Variants in SNTB2 observed in about 807,000 individuals in gnomAD.
The protein encoded by SNTB2 is syntrophin beta 2.
In SNTB2, 34 loss-of-function variants were observed where a neutral mutation model predicts 46.2. The observed-to-expected ratio is 0.74, with a 90% CI of 0.56 to 0.98. SNTB2 has a LOEUF of 0.98. Among genes scored for constraint, SNTB2 ranks in the 50% least tolerant of loss-of-function variants. SNTB2 has a pLI of 0.00. For missense variants in SNTB2, 603 were observed against 731.4 expected (o/e 0.82, Z 2.02); for synonymous variants, 290 against 312.6 (o/e 0.93, Z 0.76).
chr16:69,235,139 G>A (rs1016362312), intron 1 of SNTB2, among the ~76,000 whole-genome samples: 2 of 151,906 alleles, frequency 1.3e-5, no homozygotes, highest in Non-Finnish European at 2.9e-5. Flanking sequence ...AGCCTCCTGA[G>A]TAGCTGGGAT....
At position 69,290,700 on chromosome 16, in the gene SNTB2, G is replaced by A. The variant is rs917142269; in HGVS notation, c.1345+6456G>A. 1.4e-4 allele frequency among the ~76,000 whole-genome samples: 21 copies of A among 152,286 alleles called. No homozygotes were observed. The East Asian group carries it at 1.5e-3, about 11-fold the overall frequency. Reference sequence around the variant, plus strand: ...CAAGTAGGAAGGACAGAAACCAAAAGAATAATAGGTATGTATCAGGATTGT... The same window carrying A: ...CAAGTAGGAAGGACAGAAACCAAAAAAATAATAGGTATGTATCAGGATTGT... On this transcript the variant is annotated intron_variant, in intron 5 of 6. Coordinates refer to ENST00000336278, the MANE Select transcript of SNTB2 (RefSeq NM_006750.4).
chr16:69,228,984 G>A (rs991007308), intron 1 of SNTB2, among the ~76,000 whole-genome samples: 4 of 152,092 alleles, frequency 2.6e-5, no homozygotes, highest in African/African-American at 9.7e-5. Context: ...AATATCCAGA[G>A]AGCATCAATC....
At chr16:69,258,016 TTAAAG>T (rs1398288113) in intron 2 of SNTB2, among the ~76,000 whole-genome samples, 3 of 152,220 alleles carry the variant, frequency 2.0e-5, no homozygotes, top group Admixed American at 6.5e-5. Context: ...ATATGACAAT[TTAAAG>T]TATTTGGAGT....
At chr16:69,206,360 A>G (rs1386301818) in intron 1 of SNTB2, among the ~76,000 whole-genome samples, 1 of 152,028 alleles carries the variant, frequency 6.6e-6, no homozygotes, top group Non-Finnish European at 1.5e-5. Context: ...CAGTAGATAT[A>G]CTATTTGATC....
intron 4 of SNTB2, among the ~76,000 whole-genome samples, chr16:69,282,842 T>C (rs948032847): frequency 6.6e-5 from 10 of 152,264 alleles, no homozygotes; most frequent in African/African-American, 2.4e-4. Context: ...TTTCATTTTA[T>C]GGTAACTGAC....
chr16:69,239,361 T>C (rs1247180709), intron 1 of SNTB2, among the ~76,000 whole-genome samples: 20 of 152,260 alleles, frequency 1.3e-4, no homozygotes. Flanking sequence ...TACAATTGAA[T>C]TTTTTCCCCT....
At chr16:69,187,773 G>GGGGGGGGGGGGGGGC in intron 1 of SNTB2, 27 bp downstream of exon 1, 2 of 331,856 alleles carry the variant, frequency 6.0e-6, no homozygotes, top group Non-Finnish European at 1.1e-5. Flanking sequence ...GGGAGGGTGG[G>GGGGGGGGGGGGGGGC]CAGGCCGCGG....
In SNTB2 at chr16:69,261,345, A is replaced by G. The variant is rs537156108; in HGVS notation, c.1005+1085A>G. ...TTTAAGTTGAGGTTGATTTTATTTG[A>G]GGAGGATATTGTCCCCAAAGCAGTT... On this transcript the variant is annotated intron_variant, in intron 3 of 6. Transcript: ENST00000336278. 8.9e-4 allele frequency among the ~76,000 whole-genome samples: 131 copies of G among 147,060 alleles called. 1 individual carries two copies. In the South Asian group the frequency reaches 0.015, roughly 16 times the overall value.
chr16:69,240,990 A>G (rs1011020842), intron 1 of SNTB2: 1 of 151,990 alleles, frequency 6.6e-6, no homozygotes, highest in African/African-American at 2.4e-5. Context: ...CCTCCTAAGT[A>G]GCTGGGATTA....
chr16:69,213,606 TCTC>T (rs1188524712), intron 1 of SNTB2, among the ~76,000 whole-genome samples: 4 of 151,938 alleles, frequency 2.6e-5, no homozygotes, highest in Non-Finnish European at 5.9e-5. Flanking sequence ...TTCAAGTGAT[TCTC>T]CTGCCTCAGC....
chr16:69,290,481 A>C (rs541580856), intron 5 of SNTB2, among the ~76,000 whole-genome samples: 3 of 152,332 alleles, frequency 2.0e-5, no homozygotes, highest in East Asian at 3.9e-4. Flanking sequence ...GGAGAAGAGA[A>C]GAAAAACAGG....
chr16:69,243,675 G>T (rs376165546), intron 1 of SNTB2, among the ~76,000 whole-genome samples: 1 of 152,126 alleles, frequency 6.6e-6, no homozygotes, highest in Non-Finnish European at 1.5e-5. Context: ...AGGAATTTCT[G>T]CCAAAGTCCT....
intron 4 of SNTB2, among the ~76,000 whole-genome samples, chr16:69,274,202 C>T (rs539274257): frequency 3.3e-5 from 5 of 151,064 alleles, no homozygotes; most frequent in Admixed American, 1.3e-4. Flanking sequence ...ATCCCAGCTA[C>T]TTGGGAAGCT....
At chr16:69,277,314 A>G (rs1439537449) in intron 4 of SNTB2, among the ~76,000 whole-genome samples, 1 of 152,196 alleles carries the variant, frequency 6.6e-6, no homozygotes, top group African/African-American at 2.4e-5. Flanking sequence ...TTTTCTGGGG[A>G]GATTAGTGGT....
intron 4 of SNTB2, among the ~76,000 whole-genome samples, chr16:69,281,485 GT>G (rs575825315): frequency 0.081 from 10,974 of 135,734 alleles, 491 homozygotes; most frequent in African/African-American, 0.14. Flanking sequence ...GTAAGGTCTG[GT>G]TTTTTTTTTT....
At chr16:69,191,802 G>T (rs561366595) in intron 1 of SNTB2, among the ~76,000 whole-genome samples, 1 of 151,752 alleles carries the variant, frequency 6.6e-6, no homozygotes, top group South Asian at 2.1e-4. Context: ...CACCATGCCC[G>T]GCCAATTTTT....
chr16:69,293,537 G>A (rs1965194463), intron 5 of SNTB2, among the ~76,000 whole-genome samples: 1 of 152,144 alleles, frequency 6.6e-6, no homozygotes, highest in African/African-American at 2.4e-5. Context: ...TCTGAGGAGT[G>A]GACGTGAGGT....
chr16:69,244,804 T>C (rs1243974979), intron 1 of SNTB2, among the ~76,000 whole-genome samples: 1 of 152,220 alleles, frequency 6.6e-6, no homozygotes, highest in Admixed American at 6.5e-5. Flanking sequence ...ATGGCCTGTT[T>C]ACATAGCTGT....
At chr16:69,248,110 A>G (rs1002806372) in intron 2 of SNTB2, among the ~76,000 whole-genome samples, 17 of 152,274 alleles carry the variant, frequency 1.1e-4, no homozygotes, top group Admixed American at 6.5e-4. Context: ...GTGACAGAAC[A>G]ATATCCTGTC....
Sources: allele counts gnomAD v4.1 joint callset (sites outside exome capture counted in the v4.1 genomes callset), GRCh38; gene constraint gnomAD v4.1.1; transcripts MANE v1.5; gene names NCBI Gene and HGNC (gene_info 2026-07-23, HGNC 2026-07-21).